IL1RL2: variants seen among roughly 807,000 people sequenced by gnomAD.
IL1RL2 encodes the protein interleukin-1 receptor-like 2.
In IL1RL2, 68 loss-of-function variants were observed where a neutral mutation model predicts 66.8. That is an observed-to-expected ratio of 1.02 (90% CI 0.84 to 1.25). The LOEUF (loss-of-function observed/expected upper bound fraction) is 1.25. Among genes scored for constraint, IL1RL2 ranks in the 50% most tolerant of loss-of-function variants. IL1RL2 has a pLI of 0.00. For missense variants in IL1RL2, 729 were observed against 709.3 expected, an observed-to-expected ratio of 1.03 and a Z score of -0.32; for synonymous variants, 305 against 264.6, an observed-to-expected ratio of 1.15 and a Z score of -1.48.
chr2:102,220,080 T>G, intron 8 of IL1RL2, 63 bp downstream of exon 8: 1 of 1,452,704 alleles, frequency 6.9e-7, no homozygotes, highest in Non-Finnish European at 9.4e-7. Context: ...GAAACACATC[T>G]GAAGGAGCAG....
At chr2:102,224,651 G>C (rs1690444357) in intron 8 of IL1RL2, among the ~76,000 whole-genome samples, 1 of 152,132 alleles carries the variant, frequency 6.6e-6, no homozygotes, top group African/African-American at 2.4e-5. Context: ...ATGAGATCTA[G>C]TGTTTGGTAG....
intron 6 of IL1RL2, 145 bp downstream of exon 6, chr2:102,212,319 G>A (rs1689243446): frequency 1.8e-6 from 1 of 557,112 alleles, no homozygotes; most frequent in Non-Finnish European, 3.1e-6. Flanking sequence ...TGAGCTCATG[G>A]GGAGAGGAAT....
intron 11 of IL1RL2, among the ~76,000 whole-genome samples, chr2:102,238,520 C>T (rs1021198805): frequency 8.5e-5 from 13 of 152,216 alleles, no homozygotes; most frequent in African/African-American, 2.2e-4. Context: ...CCCATAGTGA[C>T]GCAGACCACT....
At chr2:102,209,657 C>T (rs1004288695) in intron 5 of IL1RL2, among the ~76,000 whole-genome samples, 1 of 152,158 alleles carries the variant, frequency 6.6e-6, no homozygotes, top group African/African-American at 2.4e-5. Context: ...CTTTACCATG[C>T]AGCCACTGAA....
intron 5 of IL1RL2, among the ~76,000 whole-genome samples, chr2:102,203,158 T>C (rs1266407849): frequency 6.6e-6 from 1 of 152,230 alleles, no homozygotes; most frequent in African/African-American, 2.4e-5. Flanking sequence ...GCCTTTATTC[T>C]GTTGATATGA....
intron 9 of IL1RL2, 52 bp downstream of exon 9, chr2:102,226,093 C>T: frequency 7.2e-7 from 1 of 1,391,546 alleles, no homozygotes; most frequent in Non-Finnish European, 9.6e-7. Context: ...TCCTCTTATA[C>T]ATATACAACG....
At chr2:102,208,858 G>A (rs1688922014) in intron 5 of IL1RL2, among the ~76,000 whole-genome samples, 1 of 152,232 alleles carries the variant, frequency 6.6e-6, no homozygotes, top group Admixed American at 6.5e-5. Context: ...CAGTCATTAA[G>A]AAAATTAATT....
At chr2:102,241,850 T>A (rs1377852504), downstream of IL1RL2, among the ~76,000 whole-genome samples, 2 of 152,236 alleles carry the variant, frequency 1.3e-5, no homozygotes, top group African/African-American at 4.8e-5. Context: ...TTGTTAGGCA[T>A]GATAATGGTA....
chr2:102,229,428 G>A (rs35105962), intron 9 of IL1RL2, among the ~76,000 whole-genome samples: 1,946 of 152,302 alleles, frequency 0.013, 37 homozygotes, highest in African/African-American at 0.042. Context: ...CAAAAGGAGC[G>A]GTGGACCTGG....
chr2:102,215,910 G>A lies in IL1RL2; in HGVS notation c.725-3043G>A, dbSNP rs572143524. On this transcript the variant is annotated intron_variant, in intron 6 of 11. Transcript: ENST00000264257. ...AAGCTACTTCATAAAATTAGAAGAG[G>A]TGACTGTTGCACCAGAAGTGCAGCT... 5.3e-5 allele frequency among the ~76,000 whole-genome samples: 8 copies of A among 152,288 alleles called. No individual in the cohort carries two copies. The East Asian group carries it at 1.5e-3, about 29-fold the overall frequency.
intron 5 of IL1RL2, among the ~76,000 whole-genome samples, chr2:102,202,474 C>T (rs1688348174): frequency 6.6e-6 from 1 of 151,536 alleles, no homozygotes; most frequent in Admixed American, 6.6e-5. Context: ...AATCCATGAG[C>T]ATAGAATATT....
Position 102,225,880 on chromosome 2 carries a change from T to A in IL1RL2, c.992-18T>A. ...ATTATAATTATAATTATTATTATTTTTTTGCTGTCATTTGTAGCTCCGGAT... is the reference window on the plus strand; with the variant it reads ...ATTATAATTATAATTATTATTATTTATTTGCTGTCATTTGTAGCTCCGGAT... On this transcript the variant is annotated intron_variant, in intron 8 of 11. Coordinates refer to ENST00000264257, the MANE Select transcript of IL1RL2 (RefSeq NM_003854.4). 2 of 1,499,288 alleles carry A rather than the reference T, an allele frequency of 1.3e-6. No homozygotes were observed. The highest frequency in any genetic ancestry group is 1.8e-6 in the Non-Finnish European group (2 of 1,121,482). 92.9% of individuals were successfully genotyped at this position (1,499,288 alleles called of 1,614,324 possible). A position where few individuals can be genotyped will look rare whatever the true frequency, so the allele number is the denominator to read the frequency against.
chr2:102,195,569 CT>C (rs1687611184), intron 4 of IL1RL2, among the ~76,000 whole-genome samples: 1 of 12,580 alleles, frequency 7.9e-5, no homozygotes, highest in Non-Finnish European at 1.6e-4. Flanking sequence ...CTCTTTCTTT[CT>C]TTCTTTCTTT....
chr2:102,234,436 T>C (rs1480877178), intron 10 of IL1RL2, among the ~76,000 whole-genome samples: 4 of 136,502 alleles, frequency 2.9e-5, no homozygotes, highest in African/African-American at 1.3e-4. Flanking sequence ...GTGACAAATA[T>C]TAAAAAAAAG....
chr2:102,239,056 T>G lies in IL1RL2; in HGVS notation c.1679-136T>G, dbSNP rs533699681. Reference sequence around the variant, plus strand: ...CCTTGCAAAGATAACCCAAGAGAAATGGAAGCCTCAGGGATATACCACCAG... The same window carrying G: ...CCTTGCAAAGATAACCCAAGAGAAAGGGAAGCCTCAGGGATATACCACCAG... On this transcript the variant is annotated intron_variant, in intron 11 of 11. Coordinates refer to ENST00000264257, the MANE Select transcript of IL1RL2 (RefSeq NM_003854.4). 302 of 692,704 alleles carry G rather than the reference T, an allele frequency of 4.4e-4. 2 individuals carry two copies. The South Asian group carries it at 4.5e-3, about 10-fold the overall frequency. 42.9% of individuals were successfully genotyped at this position (692,704 alleles called of 1,614,324 possible).
intron 5 of IL1RL2, 121 bp from the exon 6 acceptor site, chr2:102,211,979 G>A (rs944023543): frequency 5.2e-6 from 3 of 575,442 alleles, no homozygotes; most frequent in Admixed American, 3.1e-5. Flanking sequence ...TTTATGGAGT[G>A]AGATTTTGAC....
At chr2:102,190,624 C>T (rs955735683) in intron 3 of IL1RL2, among the ~76,000 whole-genome samples, 3 of 152,208 alleles carry the variant, frequency 2.0e-5, no homozygotes, top group East Asian at 3.8e-4. Flanking sequence ...TGGAAGTGGT[C>T]GTTAGCTCTG....
chr2:102,198,258 GA>G (rs1252812406), intron 4 of IL1RL2, among the ~76,000 whole-genome samples: 3 of 152,168 alleles, frequency 2.0e-5, no homozygotes, highest in Non-Finnish European at 4.4e-5. Context: ...TAAGAATTTT[GA>G]GACAGAGGTT....
At chr2:102,237,563 T>A (rs927685190) in intron 11 of IL1RL2, among the ~76,000 whole-genome samples, 1 of 152,136 alleles carries the variant, frequency 6.6e-6, no homozygotes, top group African/African-American at 2.4e-5. Context: ...TTGGGTGCAA[T>A]AGGAGAAACA....
Sources: gnomAD v4.1 joint callset for allele counts (sites outside exome capture counted in the v4.1 genomes callset) on GRCh38, gnomAD v4.1.1 for gene constraint, MANE v1.5 for transcripts, NCBI Gene and HGNC (gene_info 2026-07-23, HGNC 2026-07-21) for gene names.